Variants in ANKRD46 observed in about 807,000 individuals in gnomAD.
The protein encoded by ANKRD46 is ankyrin repeat domain 46.
Under a neutral mutation model 19.8 loss-of-function variants are expected in ANKRD46, and 13 were observed. The observed-to-expected ratio is 0.66, with a 90% CI of 0.43 to 1.04. The LOEUF (loss-of-function observed/expected upper bound fraction) is 1.04, where lower values mean the gene tolerates loss of function less well. Ranked by LOEUF, ANKRD46 falls within the 50% of genes least tolerant of loss-of-function variation. The probability of loss-of-function intolerance (pLI) is 0.00; values close to 1 mark genes in which losing one functional copy is unlikely to be tolerated. For synonymous variants in ANKRD46, 91 were observed against 106.9 expected (o/e 0.85, Z 0.92); for missense variants, 185 against 274.8 (o/e 0.67, Z 2.31).
intron 3 of ANKRD46, among the ~76,000 whole-genome samples, 175 bp from the exon 4 acceptor site, chr8:100,528,178 C>A (rs34619644): frequency 1.3e-5 from 2 of 152,098 alleles, no homozygotes; most frequent in Non-Finnish European, 2.9e-5. Flanking sequence ...ATTTGGCTCA[C>A]TACAACTCTT....
intron 5 of ANKRD46, among the ~76,000 whole-genome samples, chr8:100,514,627 T>TTTTTTTTG: frequency 7.7e-6 from 1 of 129,160 alleles, no homozygotes; most frequent in Non-Finnish European, 1.6e-5. Flanking sequence ...CTTTTTTTTT[T>TTTTTTTTG]TTTTTTTTTT....
At position 100,543,178 on chromosome 8, in the gene ANKRD46, T is replaced by TA. The variant is rs1162337967; in HGVS notation, c.-130-9868dup. Reference sequence around the variant, plus strand: ...TGGATCTTAAGTTTTAATAGCTACATAGCTCTTCCAGATTTGCTGCTTTCC... The same window carrying TA: ...TGGATCTTAAGTTTTAATAGCTACATAAGCTCTTCCAGATTTGCTGCTTTCC... On this transcript the variant is annotated intron_variant, in intron 1 of 4. Transcript: ENST00000335659. The surrounding 1 kb of genome is among the most constrained non-coding windows in gnomAD (Gnocchi z 4.2). 3.3e-5 allele frequency among the ~76,000 whole-genome samples: 5 copies of TA among 152,228 alleles called. No homozygotes were observed. The highest frequency in any genetic ancestry group is 1.2e-4 in the African/African-American group (5 of 41,460).
chr8:100,552,540 C>G (rs1035960458), intron 1 of ANKRD46, among the ~76,000 whole-genome samples: 22 of 152,214 alleles, frequency 1.4e-4, no homozygotes, highest in Non-Finnish European at 2.4e-4. Flanking sequence ...CTCCACTACT[C>G]TTCACTGCTC....
rs1164507356 is a variant in ANKRD46 at position 100,555,136 on chromosome 8, G to A, written c.-131+4575C>T. Among the ~76,000 whole-genome samples, 3 of 151,740 alleles carry A rather than the reference G, an allele frequency of 2.0e-5. No homozygotes were observed. The East Asian group carries it at 5.8e-4, about 29-fold the overall frequency. On this transcript the variant is annotated intron_variant, in intron 1 of 4. Coordinates refer to ENST00000335659, the MANE Select transcript of ANKRD46 (RefSeq NM_001270377.2). The stretch of plus-strand genomic sequence containing the variant: ...ATCACAATAGTGTCTTTTATAGAAT[G>A]CCTAGACAAAACCCAGTTCTCTAAT...
At chr8:100,549,951 G>C (rs1812349248) in intron 1 of ANKRD46, among the ~76,000 whole-genome samples, 1 of 152,152 alleles carries the variant, frequency 6.6e-6, no homozygotes, top group Non-Finnish European at 1.5e-5. Context: ...AGCTGTTTCA[G>C]ATTGGCTTCT....
intron 1 of ANKRD46, among the ~76,000 whole-genome samples, chr8:100,533,850 T>C (rs949276140): frequency 6.6e-6 from 1 of 152,236 alleles, no homozygotes; most frequent in African/African-American, 2.4e-5. Flanking sequence ...CCCTTCCTTG[T>C]CTTTTCAGTG....
At position 100,537,523 on chromosome 8, in the gene ANKRD46, T is replaced by C. The variant is rs924564854; in HGVS notation, c.-130-4212A>G. ...AGATTCTATCACTTGCTTATTCTTA[T>C]CCTTTTAAGAGGATACAGCTGTTTC... On this transcript the variant is annotated intron_variant, in intron 1 of 4. Coordinates refer to ENST00000335659, the MANE Select transcript of ANKRD46 (RefSeq NM_001270377.2). The surrounding 1 kb of genome is among the most constrained non-coding windows in gnomAD (Gnocchi z 4.2). Among the ~76,000 whole-genome samples the C allele has an allele frequency of 2.0e-5, 3 of 152,234 alleles. No homozygotes were observed. The highest frequency in any genetic ancestry group is 7.2e-5 in the African/African-American group (3 of 41,458).
intron 1 of ANKRD46, among the ~76,000 whole-genome samples, chr8:100,555,499 A>C (rs1812476828): frequency 6.6e-6 from 1 of 151,416 alleles, no homozygotes; most frequent in Non-Finnish European, 1.5e-5. Flanking sequence ...AAAAGACTAT[A>C]AGTTAAATAA....
In ANKRD46 at chr8:100,551,502, T is replaced by A. The variant is rs151176361; in HGVS notation, c.-131+8209A>T. On this transcript the variant is annotated intron_variant, in intron 1 of 4. Transcript: ENST00000335659. ...TGCTCCTGGAAGATGGTGATGGGAT[T>A]TCCATTGATGACAAGCTTCCCATTC... 124 of 799,332 alleles carry A rather than the reference T, an allele frequency of 1.6e-4. 1 individual carries two copies. The East Asian group carries it at 3.7e-3, about 24-fold the overall frequency. 49.5% of individuals were successfully genotyped at this position (799,332 alleles called of 1,614,324 possible). A position where few individuals can be genotyped will look rare whatever the true frequency, so the allele number is the denominator to read the frequency against.
Position 100,524,592 on chromosome 8 carries a change from G to A in ANKRD46, c.471-1821C>T, listed in dbSNP as rs893436722. Among the ~76,000 whole-genome samples the A allele has an allele frequency of 1.3e-5, 2 of 151,866 alleles. No homozygotes were observed. The highest frequency in any genetic ancestry group is 1.5e-5 in the Non-Finnish European group (1 of 67,968). Reference sequence around the variant, plus strand: ...AATCTACAACACCACAGTAATTTTGGAACACTTGACAGCAAGTTTAAAAAT... The same window carrying A: ...AATCTACAACACCACAGTAATTTTGAAACACTTGACAGCAAGTTTAAAAAT... On this transcript the variant is annotated intron_variant, in intron 4 of 4. Transcript: ENST00000335659. This position sits in a 1 kb window ranked among gnomAD's most constrained non-coding sequence, Gnocchi z 4.3.
chr8:100,529,875 G>A lies in ANKRD46; in HGVS notation c.-27-15C>T. 2 of 1,566,968 alleles carry A rather than the reference G, an allele frequency of 1.3e-6. No individual in the cohort carries two copies. The highest frequency in any genetic ancestry group is 1.7e-6 in the Non-Finnish European group (2 of 1,146,410). ...ATGGAACACGCCTGTAATGAAATAG[G>A]TGAGTGAGATTCCATGAAGACAAAT... On this transcript the variant is annotated splice_polypyrimidine_tract_variant and intron_variant, in intron 2 of 4. Coordinates refer to ENST00000335659, the MANE Select transcript of ANKRD46 (RefSeq NM_001270377.2). This position sits in a 1 kb window ranked among gnomAD's most constrained non-coding sequence, Gnocchi z 5.8.
intron 1 of ANKRD46, chr8:100,551,036 T>C (rs1239638461): frequency 2.0e-6 from 1 of 511,590 alleles, no homozygotes; most frequent in Non-Finnish European, 3.8e-6. Context: ...GCCATGCTAG[T>C]GAGCTTCCTG....
In ANKRD46 at chr8:100,525,328, A is replaced by T. The variant is rs1257613515; in HGVS notation, c.470+2517T>A. ...CAGTGGCTTTTCATATATTCCCCAAATTGTACAACCATCTCTTCTAATTCC... is the reference window on the plus strand; with the variant it reads ...CAGTGGCTTTTCATATATTCCCCAATTTGTACAACCATCTCTTCTAATTCC... On this transcript the variant is annotated intron_variant, in intron 4 of 4. Coordinates refer to ENST00000335659, the MANE Select transcript of ANKRD46 (RefSeq NM_001270377.2). This position sits in a 1 kb window ranked among gnomAD's most constrained non-coding sequence, Gnocchi z 4.4. Among the ~76,000 whole-genome samples, 1 of 152,140 alleles carries T rather than the reference A, an allele frequency of 6.6e-6. No homozygotes were observed. The highest frequency in any genetic ancestry group is 2.4e-5 in the African/African-American group (1 of 41,428).
At position 100,529,014 on chromosome 8, in the gene ANKRD46, A is replaced by G. The variant is rs1290457229; in HGVS notation, c.311+509T>C. On this transcript the variant is annotated intron_variant, in intron 3 of 4. Transcript: ENST00000335659. This position sits in a 1 kb window ranked among gnomAD's most constrained non-coding sequence, Gnocchi z 5.8. ...TGAAGCTCACATGGTGCGTTACATGACAGAAGGCACACAAGCGTTAGAGTC... is the reference window on the plus strand; with the variant it reads ...TGAAGCTCACATGGTGCGTTACATGGCAGAAGGCACACAAGCGTTAGAGTC... Among the ~76,000 whole-genome samples the G allele has an allele frequency of 6.6e-6, 1 of 152,206 alleles. No individual in the cohort carries two copies. The highest frequency in any genetic ancestry group is 6.5e-5 in the Admixed American group (1 of 15,286).
At position 100,554,557 on chromosome 8, in the gene ANKRD46, CA is replaced by C. The variant is rs911929579; in HGVS notation, c.-131+5153del. 17 of 151,570 alleles carry C rather than the reference CA, an allele frequency of 1.1e-4. 2 individuals carry two copies. Among genetic ancestry groups the C allele is most frequent in the Middle Eastern group, 3.4e-3 (1 of 292 alleles). 9.4% of individuals were successfully genotyped at this position (151,570 alleles called of 1,614,324 possible). A position where few individuals can be genotyped will look rare whatever the true frequency, so the allele number is the denominator to read the frequency against. ...AACATAGTGTGAAACCCCATCTCTA[CA>C]AAAAAAATTTAAAAATAAACCTTGC... On this transcript the variant is annotated intron_variant, in intron 1 of 4. Coordinates refer to ENST00000335659, the MANE Select transcript of ANKRD46 (RefSeq NM_001270377.2).
At position 100,537,513 on chromosome 8, in the gene ANKRD46, C is replaced by G. The variant is rs62515188; in HGVS notation, c.-130-4202G>C. Among the ~76,000 whole-genome samples the G allele has an allele frequency of 0.058, 8,814 of 152,234 alleles. 336 individuals carry two copies. Among genetic ancestry groups the G allele is most frequent in the Non-Finnish European group, 0.075 (5,067 of 68,002 alleles). On this transcript the variant is annotated intron_variant, in intron 1 of 4. Coordinates refer to ENST00000335659, the MANE Select transcript of ANKRD46 (RefSeq NM_001270377.2). This position sits in a 1 kb window ranked among gnomAD's most constrained non-coding sequence, Gnocchi z 4.2. The stretch of plus-strand genomic sequence containing the variant: ...CCCCAAATCTAGATTCTATCACTTG[C>G]TTATTCTTATCCTTTTAAGAGGATA...
At position 100,515,239 on chromosome 8, in the gene ANKRD46, C is replaced by T. The variant is rs115680768; in HGVS notation, c.637-4600G>A. The stretch of plus-strand genomic sequence containing the variant: ...AATGAGCTTGAATATATAATTGCTT[C>T]GCTGTTAAGAAAAGTACTGTGACTA... On this transcript the variant is annotated intron_variant, in intron 5 of 5. Coordinates refer to the ANKRD46 transcript ENST00000520552. 6.3e-3 allele frequency among the ~76,000 whole-genome samples: 963 copies of T among 152,268 alleles called. 6 individuals are homozygous for T. The highest frequency in any genetic ancestry group is 0.02 in the African/African-American group (849 of 41,546).
At position 100,536,257 on chromosome 8, in the gene ANKRD46, C is replaced by A. The variant is rs764728048; in HGVS notation, c.-130-2946G>T. On this transcript the variant is annotated intron_variant, in intron 1 of 4. Coordinates refer to ENST00000335659, the MANE Select transcript of ANKRD46 (RefSeq NM_001270377.2). The surrounding 1 kb of genome is among the most constrained non-coding windows in gnomAD (Gnocchi z 4.9). ...TGAAACCTAAGTAAACATAATGAAGCCTGCTTGGAGAGGTGGGAAAAGTAG... is the reference window on the plus strand; with the variant it reads ...TGAAACCTAAGTAAACATAATGAAGACTGCTTGGAGAGGTGGGAAAAGTAG... Among the ~76,000 whole-genome samples the A allele has an allele frequency of 1.3e-5, 2 of 151,930 alleles. No homozygotes were observed. The highest frequency in any genetic ancestry group is 2.9e-5 in the Non-Finnish European group (2 of 67,990).
chr8:100,547,411 C>T (rs1207825111), intron 1 of ANKRD46, among the ~76,000 whole-genome samples: 1 of 152,154 alleles, frequency 6.6e-6, no homozygotes, highest in Non-Finnish European at 1.5e-5. Flanking sequence ...GCCTTGCTTA[C>T]CTTTCACCTT....
Sources: allele counts gnomAD v4.1 joint callset (sites outside exome capture counted in the v4.1 genomes callset), GRCh38; gene constraint gnomAD v4.1.1; non-coding constraint Gnocchi (gnomAD v3.1); transcripts MANE v1.5; gene names NCBI Gene and HGNC (gene_info 2026-07-23, HGNC 2026-07-21).